BMPER: variants seen among roughly 807,000 people sequenced by gnomAD.
BMPER encodes BMP-binding endothelial regulator protein.
Under a neutral mutation model 87.3 loss-of-function variants are expected in BMPER, and 45 were observed. That is an observed-to-expected ratio of 0.52 (90% CI 0.41 to 0.66). The LOEUF (loss-of-function observed/expected upper bound fraction) is 0.66, where lower values mean the gene tolerates loss of function less well. BMPER is among the 30% of genes least tolerant of loss of function. The pLI, the probability that BMPER is intolerant of heterozygous loss-of-function variation, is 0.00. For missense variants in BMPER, 784 were observed against 867.5 expected, an observed-to-expected ratio of 0.90 and a Z score of 1.21; for synonymous variants, 326 against 316.2, an observed-to-expected ratio of 1.03 and a Z score of -0.33.
chr7:33,962,126 A>T (rs935533613), intron 3 of BMPER, among the ~76,000 whole-genome samples: 2 of 152,184 alleles, frequency 1.3e-5, no homozygotes, highest in African/African-American at 4.8e-5. Flanking sequence ...CTCCCTTGGG[A>T]TAATGTGGCC....
rs1788795250 is a variant in BMPER, at chr7:34,073,816, AG to A, written c.1079-5040del. Among the ~76,000 whole-genome samples, 9 of 152,342 alleles carry A rather than the reference AG, an allele frequency of 5.9e-5. No individual in the cohort carries two copies. In the South Asian group the frequency reaches 1.9e-3, roughly 32 times the overall value. On this transcript the variant is annotated intron_variant, in intron 11 of 14. Transcript: ENST00000649409. ...GTGGTCAGTTTTGCTTTTGAAATTT[AG>A]AGGAAATAGACGACTTTGGCTGAGG...
intron 13 of BMPER, among the ~76,000 whole-genome samples, chr7:34,088,217 G>A (rs1191029791): frequency 6.6e-6 from 1 of 152,174 alleles, no homozygotes; most frequent in Non-Finnish European, 1.5e-5. Flanking sequence ...ATTGTGTCAT[G>A]GTAGAGTGCC....
chr7:33,984,919 A>AT (rs201752046), intron 6 of BMPER, among the ~76,000 whole-genome samples: 4,710 of 152,306 alleles, frequency 0.031, 98 homozygotes, highest in Non-Finnish European at 0.047. Flanking sequence ...TTTTTAAACT[A>AT]TCTGTCCATT....
chr7:34,016,700 G>A (rs1787035703), intron 6 of BMPER, among the ~76,000 whole-genome samples: 1 of 151,892 alleles, frequency 6.6e-6, no homozygotes, highest in South Asian at 2.1e-4. Flanking sequence ...CAACCACTGT[G>A]GTTCCTAATT....
intron 7 of BMPER, among the ~76,000 whole-genome samples, chr7:34,046,740 T>C (rs1405514063): frequency 6.6e-6 from 1 of 152,116 alleles, no homozygotes; most frequent in African/African-American, 2.4e-5. Flanking sequence ...TTTAAAGGTA[T>C]TTGAAGTAAA....
intron 1 of BMPER, among the ~76,000 whole-genome samples, chr7:33,906,508 A>T (rs1783820694): frequency 6.6e-6 from 1 of 152,106 alleles, no homozygotes; most frequent in Admixed American, 6.5e-5. Context: ...GCTTAGTTGA[A>T]ATATCTTCAT....
chr7:33,918,160 C>T (rs1224078538), intron 2 of BMPER, among the ~76,000 whole-genome samples: 1 of 152,116 alleles, frequency 6.6e-6, no homozygotes. Context: ...ATCTTAATTT[C>T]TTCCCCCTTT....
chr7:33,967,667 A>G (rs539518899), intron 4 of BMPER, among the ~76,000 whole-genome samples: 5 of 152,288 alleles, frequency 3.3e-5, no homozygotes, highest in Middle Eastern at 3.4e-3. Context: ...CATACTGCAA[A>G]GGGATGAGAG....
chr7:33,912,387 A>G lies in BMPER; in HGVS notation c.219+5484A>G, dbSNP rs576457549. On this transcript the variant is annotated intron_variant, in intron 2 of 14. Transcript: ENST00000649409. ...GTATGTTTTTGTTGCCTACTTACTC[A>G]ATGCTCCCCTTCCCCATCCCATTTC... 5.3e-5 allele frequency among the ~76,000 whole-genome samples: 8 copies of G among 152,174 alleles called. No individual in the cohort carries two copies. The East Asian group carries it at 1.5e-3, about 29-fold the overall frequency.
chr7:34,040,688 T>C (rs1787810725), intron 6 of BMPER, among the ~76,000 whole-genome samples: 1 of 152,086 alleles, frequency 6.6e-6, no homozygotes, highest in Non-Finnish European at 1.5e-5. Context: ...AAGAGGTGAG[T>C]AAAGGTCCTG....
At chr7:34,087,169 G>C (rs1255261449) in intron 13 of BMPER, among the ~76,000 whole-genome samples, 2 of 152,306 alleles carry the variant, frequency 1.3e-5, no homozygotes, top group African/African-American at 4.8e-5. Flanking sequence ...GAACATGGCT[G>C]TATGTGCCAA....
intron 5 of BMPER, among the ~76,000 whole-genome samples, chr7:33,971,883 A>C (rs1785557106): frequency 6.6e-6 from 1 of 152,142 alleles, no homozygotes; most frequent in Non-Finnish European, 1.5e-5. Context: ...TGTGTTGAGT[A>C]GACTGTTGCT....
intron 2 of BMPER, among the ~76,000 whole-genome samples, chr7:33,923,485 A>G (rs1257269012): frequency 6.6e-6 from 1 of 152,184 alleles, no homozygotes; most frequent in Non-Finnish European, 1.5e-5. Flanking sequence ...ATTTCCTCTG[A>G]GACTTAGGTT....
chr7:33,906,419 G>C (rs541338119), intron 1 of BMPER, among the ~76,000 whole-genome samples: 21 of 151,988 alleles, frequency 1.4e-4, no homozygotes, highest in African/African-American at 4.6e-4. Flanking sequence ...CTGAGTTTTG[G>C]TCAATTTAAA....
intron 13 of BMPER, among the ~76,000 whole-genome samples, chr7:34,125,248 T>C (rs1247994516): frequency 2.0e-5 from 3 of 152,148 alleles, no homozygotes; most frequent in African/African-American, 7.2e-5. Flanking sequence ...GCTTAATGGC[T>C]TTCTATGGGC....
At chr7:34,054,394 G>A (rs908276141) in intron 8 of BMPER, among the ~76,000 whole-genome samples, 3 of 152,172 alleles carry the variant, frequency 2.0e-5, no homozygotes, top group Non-Finnish European at 2.9e-5. Context: ...AAGATATGCA[G>A]TTTGACAAAG....
At chr7:34,111,920 C>G (rs1383062774) in intron 13 of BMPER, among the ~76,000 whole-genome samples, 1 of 152,074 alleles carries the variant, frequency 6.6e-6, no homozygotes, top group Non-Finnish European at 1.5e-5. Flanking sequence ...CCATGTTAGT[C>G]AGGCTGATCT....
intron 4 of BMPER, among the ~76,000 whole-genome samples, chr7:33,967,209 A>G (rs1211215620): frequency 6.6e-6 from 1 of 152,232 alleles, no homozygotes; most frequent in Non-Finnish European, 1.5e-5. Context: ...AAAACAAGCA[A>G]ACAAAAACTT....
chr7:33,955,359 T>C (rs958537869), intron 3 of BMPER, among the ~76,000 whole-genome samples: 1 of 152,224 alleles, frequency 6.6e-6, no homozygotes, highest in African/African-American at 2.4e-5. Flanking sequence ...AACGTTGCGC[T>C]GTTGAATCAG....
Sources: gnomAD v4.1 joint callset for allele counts (sites outside exome capture counted in the v4.1 genomes callset) on GRCh38, gnomAD v4.1.1 for gene constraint, MANE v1.5 for transcripts, NCBI Gene and HGNC (gene_info 2026-07-23, HGNC 2026-07-21) for gene names.